AKAP11: variants seen among roughly 807,000 people sequenced by gnomAD.
AKAP11 encodes the protein A-kinase anchoring protein 11.
Under a neutral mutation model 146.1 loss-of-function variants are expected in AKAP11, and 36 were observed. The ratio of observed to expected loss-of-function variants is 0.25; its 90% CI spans 0.19 to 0.33. The LOEUF (loss-of-function observed/expected upper bound fraction) is 0.33, where lower values mean the gene tolerates loss of function less well. Ranked by LOEUF, AKAP11 falls within the 10% of genes least tolerant of loss-of-function variation. AKAP11 has a pLI of 1.00. For missense variants in AKAP11, 2,201 were observed against 2,197.0 expected (o/e 1.00, Z -0.04); for synonymous variants, 780 against 786.5 (o/e 0.99, Z 0.14).
chr13:42,296,732 T>C (rs1475846577), intron 5 of AKAP11, among the ~76,000 whole-genome samples: 1 of 152,052 alleles, frequency 6.6e-6, no homozygotes, highest in East Asian at 1.9e-4. Flanking sequence ...TTAAGACCTA[T>C]ATGTTGACAT....
intron 1 of AKAP11, among the ~76,000 whole-genome samples, chr13:42,275,948 C>G: frequency 6.6e-6 from 1 of 152,168 alleles, no homozygotes; most frequent in Non-Finnish European, 1.5e-5. Flanking sequence ...GTCTAGAAGT[C>G]CAGTGCTGAC....
chr13:42,302,026 A>G lies in AKAP11; in HGVS notation c.3280A>G (p.Arg1094Gly). The G allele has an allele frequency of 6.2e-7, 1 of 1,614,164 alleles. No homozygotes were observed. Among genetic ancestry groups the G allele is most frequent in the Non-Finnish European group, 8.5e-7 (1 of 1,180,002 alleles). Reference sequence around the variant, plus strand: ...GGAAGATAAACAGAAAGTCAGAGACAGAAATGTAATACCTGATACTCCTCC... The same window carrying G: ...GGAAGATAAACAGAAAGTCAGAGACGGAAATGTAATACCTGATACTCCTCC... ...HVEDKQKVRD[R>G]NVIPDTPPST... The change falls in exon 8 of 13, where the codon AGA becomes GGA. Residue 1094 changes from arginine to glycine, a missense_variant. Arg to Gly is a moderately radical substitution (Grantham distance 125). Transcript: ENST00000025301.
intron 1 of AKAP11, among the ~76,000 whole-genome samples, chr13:42,278,233 A>AAAG (rs1416052096): frequency 6.6e-6 from 1 of 152,222 alleles, no homozygotes; most frequent in Admixed American, 6.5e-5. Flanking sequence ...CAGAAACTAT[A>AAAG]AAGAAGCAAA....
At chr13:42,274,009 C>G (rs1177565674) in intron 1 of AKAP11, among the ~76,000 whole-genome samples, 1 of 152,180 alleles carries the variant, frequency 6.6e-6, no homozygotes, top group African/African-American at 2.4e-5. Flanking sequence ...CCTTCTTACT[C>G]CATCTTAGCA....
intron 11 of AKAP11, among the ~76,000 whole-genome samples, chr13:42,316,242 C>T (rs9525607): frequency 0.12 from 18,785 of 152,164 alleles, 1,307 homozygotes; most frequent in South Asian, 0.17. Flanking sequence ...TCTAGAATGG[C>T]CTGCAAGCTG....
At chr13:42,286,142 G>T in intron 2 of AKAP11, 107 bp downstream of exon 2, 1 of 362,530 alleles carries the variant, frequency 2.8e-6, no homozygotes, top group East Asian at 4.4e-5. Flanking sequence ...AAATATTCTT[G>T]CTGGATTGCA....
intron 9 of AKAP11, among the ~76,000 whole-genome samples, chr13:42,310,620 A>G (rs771202560): frequency 7.4e-5 from 11 of 148,146 alleles, no homozygotes; most frequent in Admixed American, 1.3e-4. Flanking sequence ...TGGGAAGCCA[A>G]TGGGGGTGGG....
intron 1 of AKAP11, among the ~76,000 whole-genome samples, chr13:42,276,937 A>G (rs1378245856): frequency 2.0e-5 from 3 of 152,222 alleles, no homozygotes; most frequent in Non-Finnish European, 4.4e-5. Context: ...AAAATTCTGA[A>G]CATATTTTCT....
Position 42,300,926 on chromosome 13 carries a change from A to C in AKAP11, c.2180A>C (p.Tyr727Ser). Residue 727 changes from tyrosine (Y) to serine (S), a missense_variant, in exon 8 of 13, where the codon TAT (tyrosine) becomes TCT (serine). Tyr to Ser is a moderately radical substitution (Grantham distance 144). Coordinates refer to ENST00000025301, the MANE Select transcript of AKAP11 (RefSeq NM_016248.4). ...AGTGTCTCTACGGATAATATCAAGTATGTGAGTGCAGAAAGTGTAGTGCCA... is the reference window on the plus strand; with the variant it reads ...AGTGTCTCTACGGATAATATCAAGTCTGTGAGTGCAGAAAGTGTAGTGCCA... ...AVSVSTDNIK[Y>S]VSAESVVPST... is the part of the protein sequence containing the mutation. The C allele has an allele frequency of 6.2e-7, 1 of 1,614,174 alleles. No individual in the cohort carries two copies. The highest frequency in any genetic ancestry group is 1.1e-5 in the South Asian group (1 of 91,082).
chr13:42,287,289 C>CT (rs148655463), intron 3 of AKAP11, among the ~76,000 whole-genome samples: 4,250 of 146,398 alleles, frequency 0.029, 85 homozygotes, highest in Non-Finnish European at 0.044. Flanking sequence ...ATGTTAATTA[C>CT]TTTTTTTTTT....
chr13:42,316,050 G>A lies in AKAP11; in HGVS notation c.5405-1478G>A, dbSNP rs539383183. On this transcript the variant is annotated intron_variant, in intron 11 of 12. Coordinates refer to ENST00000025301, the MANE Select transcript of AKAP11 (RefSeq NM_016248.4). ...GCTTCTAGCCCCCTGAACTCCTCAG[G>A]ATTGCAGAAAGGCCCAGAGACCATG... 1.1e-4 allele frequency among the ~76,000 whole-genome samples: 17 copies of A among 152,250 alleles called. No individual in the cohort carries two copies. In the East Asian group the frequency reaches 3.3e-3, roughly 29 times the overall value.
chr13:42,306,320 C>T (rs768174519), intron 8 of AKAP11, among the ~76,000 whole-genome samples: 11 of 152,296 alleles, frequency 7.2e-5, no homozygotes, highest in Non-Finnish European at 1.2e-4. Flanking sequence ...CCTGTCTGCC[C>T]TACGGACCCA....
At chr13:42,314,580 A>G (rs1243003714) in intron 11 of AKAP11, among the ~76,000 whole-genome samples, 1 of 152,046 alleles carries the variant, frequency 6.6e-6, no homozygotes, top group African/African-American at 2.4e-5. Context: ...GTTATAAGAT[A>G]ATTTATTATA....
In AKAP11 at chr13:42,301,938, C is replaced by G. The variant is rs750491982; in HGVS notation, c.3192C>G (p.Asn1064Lys). 3.7e-6 allele frequency: 6 copies of G among 1,614,116 alleles called. No individual in the cohort carries two copies. Among genetic ancestry groups the G allele is most frequent in the Non-Finnish European group, 5.1e-6 (6 of 1,180,006 alleles). Reference sequence around the variant, plus strand: ...AGGCCTTGTCTTTTGGACAGGAAAACCCCTTTCCTCATTCACATACTTTCT... The same window carrying G: ...AGGCCTTGTCTTTTGGACAGGAAAAGCCCTTTCCTCATTCACATACTTTCT... ...SLEALSFGQE[N>K]PFPHSHTFSS... Residue 1064 changes from asparagine (N) to lysine (K), a missense_variant, in exon 8 of 13, where the codon AAC becomes AAG. Transcript: ENST00000025301.
In AKAP11 at chr13:42,301,072, ATTG is replaced by A; in HGVS notation, c.2329_2331del (p.Val777del). ...GCAGGCCTTGTTTTGTACTTCTGGA[ATTG>A]TTACTTCTATACCGGTGCCCTTGGC... is the stretch of plus-strand genomic sequence containing the variant. On this transcript the variant is annotated inframe_deletion, in exon 8 of 13. Coordinates refer to ENST00000025301, the MANE Select transcript of AKAP11 (RefSeq NM_016248.4). 1 of 1,614,120 alleles carries A rather than the reference ATTG, an allele frequency of 6.2e-7. No homozygotes were observed. Among genetic ancestry groups the A allele is most frequent in the Non-Finnish European group, 8.5e-7 (1 of 1,179,958 alleles).
chr13:42,280,715 T>C (rs1453858064), intron 1 of AKAP11, among the ~76,000 whole-genome samples: 1 of 152,196 alleles, frequency 6.6e-6, no homozygotes, highest in Non-Finnish European at 1.5e-5. Flanking sequence ...TGGTTACTAT[T>C]TGGGCAAGGA....
intron 1 of AKAP11, among the ~76,000 whole-genome samples, chr13:42,273,226 CAAAA>C (rs1958823018): frequency 6.6e-6 from 1 of 152,002 alleles, no homozygotes; most frequent in Non-Finnish European, 1.5e-5. Flanking sequence ...TGAAAATACT[CAAAA>C]TATGGAGTAC....
chr13:42,305,272 G>T (rs1258683681), intron 8 of AKAP11, among the ~76,000 whole-genome samples: 2 of 152,184 alleles, frequency 1.3e-5, no homozygotes, highest in East Asian at 3.8e-4. Context: ...GACATGGTCT[G>T]CCTCTTTTCT....
At chr13:42,284,818 G>T (rs1246599922) in intron 1 of AKAP11, among the ~76,000 whole-genome samples, 1 of 152,202 alleles carries the variant, frequency 6.6e-6, no homozygotes, top group Non-Finnish European at 1.5e-5. Context: ...GGATTCTGGG[G>T]TATCACCCTT....
Sources: gnomAD v4.1 joint callset for allele counts (sites outside exome capture counted in the v4.1 genomes callset) on GRCh38, gnomAD v4.1.1 for gene constraint, MANE v1.5 for transcripts, NCBI Gene and HGNC (gene_info 2026-07-23, HGNC 2026-07-21) for gene names.